FRG1: variants seen among roughly 807,000 people sequenced by gnomAD.
The protein encoded by FRG1 is FSHD region gene 1.
FRG1 carries 19 observed loss-of-function variants against 37.0 expected under a neutral mutation model. The observed-to-expected ratio is 0.51, with a 90% CI of 0.36 to 0.75. The LOEUF (loss-of-function observed/expected upper bound fraction) is 0.75, where lower values mean the gene tolerates loss of function less well. Among genes scored for constraint, FRG1 ranks in the 30% least tolerant of loss-of-function variants. The probability of loss-of-function intolerance (pLI) is 0.00; values close to 1 mark genes in which losing one functional copy is unlikely to be tolerated. For synonymous variants in FRG1, 73 were observed against 96.5 expected, an observed-to-expected ratio of 0.76 and a Z score of 1.43; for missense variants, 243 against 301.4, an observed-to-expected ratio of 0.81 and a Z score of 1.44.
chr4:189,955,030 T>A lies in FRG1; in HGVS notation c.318-7T>A. On this transcript the variant is annotated splice_polypyrimidine_tract_variant and splice_region_variant and intron_variant, in intron 4 of 8. Transcript: ENST00000226798. ...CTTTAACTTTTATCTATGTTATTAA[T>A]GTACAGAATCGCCCTGAAGTCTGGC... is the stretch of plus-strand genomic sequence containing the variant. 6.5e-7 allele frequency: 1 copy of A among 1,541,966 alleles called. No individual in the cohort carries two copies. Among genetic ancestry groups the A allele is most frequent in the Non-Finnish European group, 9.0e-7 (1 of 1,114,996 alleles).
At chr4:189,950,420 G>A (rs1049562166) in intron 2 of FRG1, among the ~76,000 whole-genome samples, 2 of 152,076 alleles carry the variant, frequency 1.3e-5, no homozygotes, top group African/African-American at 4.8e-5. Context: ...TGCCTTTGAT[G>A]TTCTACATAA....
intron 2 of FRG1, among the ~76,000 whole-genome samples, chr4:189,948,815 C>G (rs199980582): frequency 6.6e-6 from 1 of 152,280 alleles, no homozygotes; most frequent in African/African-American, 2.4e-5. Context: ...CTCCGACTCC[C>G]GAGTAGCTGG....
At chr4:189,949,609 G>C (rs1736668715) in intron 2 of FRG1, among the ~76,000 whole-genome samples, 1 of 152,078 alleles carries the variant, frequency 6.6e-6, no homozygotes, top group Non-Finnish European at 1.5e-5. Context: ...TTAATATTAA[G>C]TGTACTTGGT....
intron 5 of FRG1, among the ~76,000 whole-genome samples, chr4:189,956,445 C>T (rs1165564638): frequency 6.6e-6 from 1 of 152,096 alleles, no homozygotes; most frequent in South Asian, 2.1e-4. Flanking sequence ...TTAGGAAGGA[C>T]ACTAAGTTTC....
chr4:189,943,634 C>T (rs1359653507), intron 2 of FRG1, among the ~76,000 whole-genome samples: 1 of 152,166 alleles, frequency 6.6e-6, no homozygotes, highest in African/African-American at 2.4e-5. Flanking sequence ...AGTCGGTTGT[C>T]TCTTAAAGGA....
At chr4:189,947,111 G>A (rs1275121205) in intron 2 of FRG1, among the ~76,000 whole-genome samples, 2 of 152,220 alleles carry the variant, frequency 1.3e-5, no homozygotes, top group Admixed American at 1.3e-4. Flanking sequence ...CCGCCTCGGC[G>A]GGATCCAGGC....
At chr4:189,944,334 A>G (rs373566722) in intron 2 of FRG1, among the ~76,000 whole-genome samples, 3 of 151,924 alleles carry the variant, frequency 2.0e-5, no homozygotes, top group Non-Finnish European at 4.4e-5. Context: ...CTGCCACCAC[A>G]CCCGGCTAAT....
intron 2 of FRG1, among the ~76,000 whole-genome samples, chr4:189,951,489 CA>C (rs70947948): frequency 0.16 from 18,545 of 114,398 alleles, 3,591 homozygotes; most frequent in African/African-American, 0.47. Flanking sequence ...GTCTCCGTCT[CA>C]AAAAAAAAAA....
intron 3 of FRG1, 50 bp from the exon 4 acceptor site, chr4:189,953,018 A>G (rs1329618853): frequency 1.3e-6 from 2 of 1,525,410 alleles, no homozygotes; most frequent in Admixed American, 4.7e-5. Flanking sequence ...TAATGTCTTT[A>G]TATTTATAGC....
At position 189,963,144 on chromosome 4, in the gene FRG1, T is replaced by G. The variant is rs777086348; in HGVS notation, c.*15T>G. 1.2e-6 allele frequency: 2 copies of G among 1,609,000 alleles called. No individual in the cohort carries two copies. The highest frequency in any genetic ancestry group is 2.7e-5 in the African/African-American group (2 of 74,810). On this transcript the variant is annotated 3_prime_UTR_variant, in exon 9 of 9. Transcript: ENST00000226798. ...ACTGCAAGTGACTGGGATTTTTGTT[T>G]CTGCCTTATCTTTCTGTGTTTTTTT... is the stretch of plus-strand genomic sequence containing the variant.
intron 2 of FRG1, among the ~76,000 whole-genome samples, chr4:189,946,105 A>G (rs1428983046): frequency 2.0e-5 from 3 of 152,066 alleles, no homozygotes; most frequent in Non-Finnish European, 4.4e-5. Flanking sequence ...GTCTCTTCAT[A>G]TTGGTAATTT....
intron 2 of FRG1, among the ~76,000 whole-genome samples, chr4:189,946,162 T>G (rs1326295117): frequency 6.6e-6 from 1 of 152,186 alleles, no homozygotes; most frequent in Non-Finnish European, 1.5e-5. Flanking sequence ...GCTGGAGGTT[T>G]CTCAATTCTT....
At chr4:189,948,102 C>G (rs1209658115) in intron 2 of FRG1, among the ~76,000 whole-genome samples, 1 of 152,176 alleles carries the variant, frequency 6.6e-6, no homozygotes, top group Admixed American at 6.5e-5. Flanking sequence ...GTCTTTTTCT[C>G]TTTGTCCTTC....
chr4:189,958,606 G>A (rs573080431), intron 6 of FRG1, among the ~76,000 whole-genome samples: 4 of 152,166 alleles, frequency 2.6e-5, no homozygotes, highest in African/African-American at 7.2e-5. Flanking sequence ...GTAGTCAGAC[G>A]CGTTATCCAT....
At chr4:189,955,215 A>T in intron 5 of FRG1, 64 bp downstream of exon 5, 1 of 922,758 alleles carries the variant, frequency 1.1e-6, no homozygotes, top group Non-Finnish European at 1.8e-6. Flanking sequence ...TTAACAGTCA[A>T]TCATAATATA....
At chr4:189,956,224 GC>G (rs932182552) in intron 5 of FRG1, among the ~76,000 whole-genome samples, 12 of 150,724 alleles carry the variant, frequency 8.0e-5, no homozygotes, top group African/African-American at 2.9e-4. Flanking sequence ...TCCTTCCCCC[GC>G]CCCCCATACC....
intron 2 of FRG1, among the ~76,000 whole-genome samples, chr4:189,948,645 C>T (rs529716371): frequency 9.9e-5 from 15 of 151,992 alleles, no homozygotes; most frequent in African/African-American, 3.6e-4. Context: ...ATGAGGGTGC[C>T]CTGGTACTAT....
In FRG1 at chr4:189,952,264, C is replaced by T; in HGVS notation, c.236C>T (p.Thr79Ile). Residue 79 changes from threonine to isoleucine, a missense_variant, in exon 3 of 9, where the codon ACC becomes ATC. Transcript: ENST00000226798. ...YIHALDNGLFTLGAPHKEVDE... is the reference protein window; with the variant it reads ...YIHALDNGLFILGAPHKEVDE... Reference sequence around the variant, plus strand: ...CATGCACTCGACAATGGTCTTTTTACCCTGGGAGCTCCACACAAAGAAGGT... The same window carrying T: ...CATGCACTCGACAATGGTCTTTTTATCCTGGGAGCTCCACACAAAGAAGGT... 1.9e-6 allele frequency: 3 copies of T among 1,610,748 alleles called. No individual in the cohort carries two copies. In the East Asian group the frequency reaches 6.7e-5, roughly 36 times the overall value.
chr4:189,957,163 T>C (rs2126818392), intron 5 of FRG1, among the ~76,000 whole-genome samples: 1 of 152,252 alleles, frequency 6.6e-6, no homozygotes, highest in East Asian at 1.9e-4. Flanking sequence ...ACTTAGAATT[T>C]AGTCCTACTA....
Sources: allele counts gnomAD v4.1 joint callset (sites outside exome capture counted in the v4.1 genomes callset), GRCh38; gene constraint gnomAD v4.1.1; transcripts MANE v1.5; gene names NCBI Gene and HGNC (gene_info 2026-07-23, HGNC 2026-07-21).